COG5: variants seen among roughly 807,000 people sequenced by gnomAD.
COG5 encodes the protein conserved oligomeric Golgi complex subunit 5.
In COG5, 86 loss-of-function variants were observed where a neutral mutation model predicts 110.4. The ratio of observed to expected loss-of-function variants is 0.78; its 90% CI spans 0.65 to 0.93. The LOEUF (loss-of-function observed/expected upper bound fraction) is 0.93. Ranked by LOEUF, COG5 falls within the 40% of genes least tolerant of loss-of-function variation. COG5 has a pLI of 0.00. For synonymous variants in COG5, 360 were observed against 334.6 expected (o/e 1.08, Z -0.83); for missense variants, 1,077 against 987.0 (o/e 1.09, Z -1.22).
intron 6 of COG5, among the ~76,000 whole-genome samples, chr7:107,478,094 T>A (rs1797098660): frequency 6.6e-6 from 1 of 151,890 alleles, no homozygotes; most frequent in Non-Finnish European, 1.5e-5. Flanking sequence ...GGTCAGTTCT[T>A]CCAAAGGATA....
chr7:107,558,640 A>G (rs1163360521), intron 1 of COG5, among the ~76,000 whole-genome samples: 1 of 151,062 alleles, frequency 6.6e-6, no homozygotes, highest in Admixed American at 6.6e-5. Flanking sequence ...TAATCCCAGC[A>G]CTTTGGGAGG....
chr7:107,318,377 T>C (rs1192069177), intron 11 of COG5, among the ~76,000 whole-genome samples: 2 of 152,148 alleles, frequency 1.3e-5, no homozygotes, highest in African/African-American at 4.8e-5. Flanking sequence ...GACGAAATAT[T>C]CAAAGTACAA....
intron 10 of COG5, among the ~76,000 whole-genome samples, chr7:107,358,493 T>A (rs1304851116): frequency 6.6e-6 from 1 of 152,184 alleles, no homozygotes; most frequent in Non-Finnish European, 1.5e-5. Flanking sequence ...GTTACTGATA[T>A]AAATATACGT....
chr7:107,271,330 A>G (rs1804252894), intron 14 of COG5, among the ~76,000 whole-genome samples: 1 of 152,216 alleles, frequency 6.6e-6, no homozygotes, highest in Non-Finnish European at 1.5e-5. Flanking sequence ...TTTTAAAGTT[A>G]GAATTTTTAT....
chr7:107,303,963 G>A (rs1548523), intron 11 of COG5, among the ~76,000 whole-genome samples: 23,774 of 151,844 alleles, frequency 0.16, 2,310 homozygotes, highest in Non-Finnish European at 0.22. Context: ...TTAATCACTA[G>A]TGATTACAAC....
intron 10 of COG5, among the ~76,000 whole-genome samples, chr7:107,361,579 T>C (rs1479512298): frequency 6.6e-6 from 1 of 152,198 alleles, no homozygotes; most frequent in African/African-American, 2.4e-5. Flanking sequence ...TATTTATTTT[T>C]GAGATAGAGT....
At chr7:107,330,908 C>A (rs1010746602) in intron 10 of COG5, among the ~76,000 whole-genome samples, 2 of 151,298 alleles carry the variant, frequency 1.3e-5, no homozygotes, top group African/African-American at 2.4e-5. Context: ...CTGTAACCTC[C>A]GCCTTCCGGG....
intron 17 of COG5, among the ~76,000 whole-genome samples, chr7:107,245,567 C>T (rs1340976163): frequency 6.6e-6 from 1 of 152,116 alleles, no homozygotes; most frequent in African/African-American, 2.4e-5. Context: ...CTATACATCA[C>T]CAACAGCCAA....
At chr7:107,490,765 C>A (rs1443626137) in intron 6 of COG5, among the ~76,000 whole-genome samples, 2 of 152,052 alleles carry the variant, frequency 1.3e-5, no homozygotes, top group East Asian at 1.9e-4. Context: ...GGGATTTAAA[C>A]CAAGATCTAA....
chr7:107,550,112 G>A lies in COG5; in HGVS notation c.293-1780C>T, dbSNP rs560877264. On this transcript the variant is annotated intron_variant, in intron 3 of 21. Coordinates refer to ENST00000297135, the MANE Select transcript of COG5 (RefSeq NM_006348.5). The stretch of plus-strand genomic sequence containing the variant: ...AAAATCACACTTCTCTCCAGGCTAT[G>A]TCATCTCCATTACTCATACCATCAT... Among the ~76,000 whole-genome samples, 78 of 152,168 alleles carry A rather than the reference G, an allele frequency of 5.1e-4. 2 individuals are homozygous for A. The South Asian group carries it at 0.015, about 29-fold the overall frequency.
chr7:107,498,646 C>G (rs1034658135), intron 6 of COG5, among the ~76,000 whole-genome samples: 1 of 152,084 alleles, frequency 6.6e-6, no homozygotes, highest in East Asian at 1.9e-4. Flanking sequence ...AAAACAGACA[C>G]GTGCTGGTGA....
intron 5 of COG5, among the ~76,000 whole-genome samples, chr7:107,547,292 T>C (rs1343545478): frequency 1.3e-5 from 2 of 152,158 alleles, no homozygotes; most frequent in African/African-American, 4.8e-5. Flanking sequence ...TTTTGATAGA[T>C]GCAGAAAAGG....
chr7:107,517,053 C>A (rs1459227340), intron 6 of COG5, among the ~76,000 whole-genome samples: 1 of 152,238 alleles, frequency 6.6e-6, no homozygotes, highest in East Asian at 1.9e-4. Flanking sequence ...TAATTACAAA[C>A]TCTGCTGAGC....
chr7:107,386,448 G>T (rs564221975), intron 7 of COG5, among the ~76,000 whole-genome samples: 3 of 152,258 alleles, frequency 2.0e-5, no homozygotes, highest in Admixed American at 1.3e-4. Context: ...GGTGCCCCGT[G>T]TGAGGAACGC....
chr7:107,230,679 C>T lies in COG5; in HGVS notation c.2104G>A (p.Val702Met), dbSNP rs398124222. 1.9e-5 allele frequency: 30 copies of T among 1,610,076 alleles called. No individual in the cohort carries two copies. Among genetic ancestry groups the T allele is most frequent in the South Asian group, 5.5e-5 (5 of 91,012 alleles). ...AADFAQMELA[V>M]GPFCRRVSDL... ...GATACTCGTCTACAGAATGGACCCACAGCCAACTCCATCTGAAATATTAAA... is the reference window on the plus strand; with the variant it reads ...GATACTCGTCTACAGAATGGACCCATAGCCAACTCCATCTGAAATATTAAA... The change falls in exon 19 of 22, where the codon GTG becomes ATG. Residue 702 changes from valine to methionine, a missense_variant. Transcript: ENST00000297135.
intron 3 of COG5, 35 bp downstream of exon 3, chr7:107,554,250 C>A: frequency 1.3e-6 from 2 of 1,592,646 alleles, no homozygotes; most frequent in South Asian, 2.2e-5. Context: ...CCTGGTCTAG[C>A]TCTACATAAT....
chr7:107,222,745 AAAAAGAAATAAGG>A (rs1800032130), intron 19 of COG5, among the ~76,000 whole-genome samples: 1 of 152,248 alleles, frequency 6.6e-6, no homozygotes, highest in African/African-American at 2.4e-5. Flanking sequence ...TTTATGAAAC[AAAAAGAAATAAGG>A]TGTTATAAAA....
At chr7:107,287,735 A>G (rs1562951785) in intron 12 of COG5, among the ~76,000 whole-genome samples, 5 of 152,238 alleles carry the variant, frequency 3.3e-5, no homozygotes. Context: ...GGGATAATAT[A>G]CTGTGTGTAT....
chr7:107,537,743 A>C (rs1801693314), intron 5 of COG5, among the ~76,000 whole-genome samples: 1 of 151,994 alleles, frequency 6.6e-6, no homozygotes. Context: ...TAATTTAAAA[A>C]AAAAAGAAAG....
Sources: gnomAD v4.1 joint callset for allele counts (sites outside exome capture counted in the v4.1 genomes callset) on GRCh38, gnomAD v4.1.1 for gene constraint, MANE v1.5 for transcripts, NCBI Gene and HGNC (gene_info 2026-07-23, HGNC 2026-07-21) for gene names.